Variants in CSMD1 observed in about 807,000 individuals in gnomAD.
The protein encoded by CSMD1 is CUB and Sushi multiple domains 1.
In CSMD1, 213 loss-of-function variants were observed where a neutral mutation model predicts 417.5. The ratio of observed to expected loss-of-function variants is 0.51; its 90% CI spans 0.46 to 0.57. The LOEUF is 0.57. Ranked by LOEUF, CSMD1 falls within the 20% of genes least tolerant of loss-of-function variation. The pLI is 0.00. For missense variants in CSMD1, 6,923 were observed against 4,529.7 expected (o/e 1.53, Z -15.17); for synonymous variants, 2,862 against 1,736.8 (o/e 1.65, Z -16.11).
rs755366883 is a variant in CSMD1 at position 2,966,635 on chromosome 8, G to A, written c.9035C>T (p.Ser3012Leu). 1.9e-6 allele frequency: 3 copies of A among 1,613,784 alleles called. No homozygotes were observed. Among genetic ancestry groups the A allele is most frequent in the Admixed American group, 1.7e-5 (1 of 60,006 alleles). ...IYACWEGYKT[S>L]GLMTRHCTAN... ...TGTGCAATGCCGTGTCATGAGCCCT[G>A]AGGTCTTGTAGCCTTCCCAGCAGGC... Residue 3012 changes from serine to leucine, a missense_variant, in exon 58 of 70, where the codon TCA becomes TTA. Coordinates refer to ENST00000635120, the MANE Select transcript of CSMD1 (RefSeq NM_033225.6).
At chr8:3,934,366 G>C (rs896329376) in intron 5 of CSMD1, among the ~76,000 whole-genome samples, 5 of 152,128 alleles carry the variant, frequency 3.3e-5, no homozygotes, top group African/African-American at 1.2e-4. Context: ...TACATATTTA[G>C]TCTTGCACTG....
At chr8:3,538,381 C>G (rs559513143) in intron 10 of CSMD1, among the ~76,000 whole-genome samples, 4 of 152,138 alleles carry the variant, frequency 2.6e-5, no homozygotes, top group African/African-American at 4.8e-5. Context: ...GGATTCCACA[C>G]CTGGGCTGGT....
intron 1 of CSMD1, among the ~76,000 whole-genome samples, chr8:4,751,812 C>G (rs963876495): frequency 1.7e-4 from 26 of 152,120 alleles, no homozygotes; most frequent in African/African-American, 6.3e-4. Context: ...ATGCAGAGTC[C>G]ACATGATGTC....
intron 52 of CSMD1, among the ~76,000 whole-genome samples, chr8:3,000,829 G>A (rs988610306): frequency 7.9e-5 from 12 of 152,100 alleles, no homozygotes; most frequent in South Asian, 4.1e-4. Context: ...AGGAAGGAGC[G>A]CGAGATCGCG....
At chr8:4,308,377 G>A (rs149460605) in intron 3 of CSMD1, among the ~76,000 whole-genome samples, 2 of 151,940 alleles carry the variant, frequency 1.3e-5, no homozygotes, top group African/African-American at 2.4e-5. Context: ...TGTGTTCTGT[G>A]CACAGTCTGT....
intron 5 of CSMD1, among the ~76,000 whole-genome samples, chr8:3,865,957 T>C (rs1185695330): frequency 6.6e-6 from 1 of 152,154 alleles, no homozygotes; most frequent in Non-Finnish European, 1.5e-5. Flanking sequence ...GGAATGTAAT[T>C]AAAATAATGA....
rs189730196 is a variant in CSMD1, at chr8:3,253,756, G to A, written c.4154-23525C>T. Among the ~76,000 whole-genome samples, 345 of 152,120 alleles carry A rather than the reference G, an allele frequency of 2.3e-3. 2 individuals are homozygous for A. The highest frequency in any genetic ancestry group is 7.9e-3 in the African/African-American group (327 of 41,504). The stretch of plus-strand genomic sequence containing the variant: ...ATCTTCCTCCATCCTTTTATTTTGA[G>A]CCTATGTGTGTCTCTGCAGGTGAGA... On this transcript the variant is annotated intron_variant, in intron 26 of 69. Coordinates refer to ENST00000635120, the MANE Select transcript of CSMD1 (RefSeq NM_033225.6).
intron 1 of CSMD1, among the ~76,000 whole-genome samples, chr8:4,915,438 G>A (rs969826343): frequency 6.6e-6 from 1 of 152,128 alleles, no homozygotes; most frequent in African/African-American, 2.4e-5. Context: ...GTATAGATTG[G>A]AAACCACATA....
chr8:3,442,489 T>C (rs970600828), intron 12 of CSMD1, among the ~76,000 whole-genome samples: 1 of 152,224 alleles, frequency 6.6e-6, no homozygotes, highest in South Asian at 2.1e-4. Flanking sequence ...TGTTTACATA[T>C]GTTCGATACA....
intron 3 of CSMD1, among the ~76,000 whole-genome samples, chr8:4,171,517 T>G (rs1797762821): frequency 1.3e-5 from 2 of 151,838 alleles, no homozygotes; most frequent in Admixed American, 6.6e-5. Flanking sequence ...TACTCTACAG[T>G]TTCTTTAGTT....
At chr8:4,470,743 C>T (rs1800481781) in intron 2 of CSMD1, among the ~76,000 whole-genome samples, 1 of 152,154 alleles carries the variant, frequency 6.6e-6, no homozygotes, top group South Asian at 2.1e-4. Context: ...CAGAAAAACA[C>T]CATGAATGAC....
At chr8:3,254,375 G>C (rs571982611) in intron 26 of CSMD1, among the ~76,000 whole-genome samples, 1 of 152,174 alleles carries the variant, frequency 6.6e-6, no homozygotes, top group East Asian at 1.9e-4. Flanking sequence ...TTCTCGAGGG[G>C]TATATTTGTG....
chr8:4,340,937 G>A (rs1286486018), intron 3 of CSMD1, among the ~76,000 whole-genome samples: 3 of 152,058 alleles, frequency 2.0e-5, no homozygotes, highest in Non-Finnish European at 4.4e-5. Context: ...CTAGGCCTGA[G>A]AGAATGTAGT....
rs114102023 is a variant in CSMD1 at position 3,903,726 on chromosome 8, G to A, written c.818+94177C>T. On this transcript the variant is annotated intron_variant, in intron 5 of 69. Transcript: ENST00000635120. ...ACAGCATCCTGAAAGAAGCCAACAG[G>A]ACATCATCAACTTTCAGGTGATGGA... Among the ~76,000 whole-genome samples the A allele has an allele frequency of 7.1e-3, 1,079 of 152,272 alleles. 15 individuals are homozygous for A. Among genetic ancestry groups the A allele is most frequent in the African/African-American group, 0.025 (1,030 of 41,550 alleles).
chr8:3,505,709 G>C (rs1161010515), intron 10 of CSMD1, among the ~76,000 whole-genome samples: 2 of 152,154 alleles, frequency 1.3e-5, no homozygotes, highest in East Asian at 1.9e-4. Flanking sequence ...AACACTATGA[G>C]CACTGGATAG....
chr8:3,721,770 T>C lies in CSMD1; in HGVS notation c.932-13279A>G, dbSNP rs550624366. Reference sequence around the variant, plus strand: ...TTCTAAATTCTTTACATGAGGATAATAGAATTTCTCTCTGAATGGTCAATC... The same window carrying C: ...TTCTAAATTCTTTACATGAGGATAACAGAATTTCTCTCTGAATGGTCAATC... On this transcript the variant is annotated intron_variant, in intron 6 of 69. Transcript: ENST00000635120. 1.5e-3 allele frequency among the ~76,000 whole-genome samples: 232 copies of C among 152,300 alleles called. 1 individual carries two copies. Among genetic ancestry groups the C allele is most frequent in the African/African-American group, 5.1e-3 (212 of 41,558 alleles).
At chr8:3,183,933 C>G (rs894506281) in intron 36 of CSMD1, among the ~76,000 whole-genome samples, 1 of 152,116 alleles carries the variant, frequency 6.6e-6, no homozygotes, top group Non-Finnish European at 1.5e-5. Flanking sequence ...TTTTTTTGAG[C>G]CTGATCTTTT....
At chr8:4,672,354 T>A (rs1328867811) in intron 1 of CSMD1, among the ~76,000 whole-genome samples, 7 of 152,192 alleles carry the variant, frequency 4.6e-5, no homozygotes, top group African/African-American at 1.7e-4. Context: ...GGATGCTGAC[T>A]TGAAGTAACT....
chr8:3,788,124 A>C (rs1196199954), intron 5 of CSMD1, among the ~76,000 whole-genome samples: 2 of 152,192 alleles, frequency 1.3e-5, no homozygotes, highest in Non-Finnish European at 2.9e-5. Context: ...TTTTCTTTAA[A>C]ATATTCTCAG....
Sources: allele counts gnomAD v4.1 joint callset (sites outside exome capture counted in the v4.1 genomes callset), GRCh38; gene constraint gnomAD v4.1.1; transcripts MANE v1.5; gene names NCBI Gene and HGNC (gene_info 2026-07-23, HGNC 2026-07-21).